The following NBAS variants were observed in gnomAD, a reference collection of about 807,000 sequenced individuals.
NBAS encodes the protein NBAS subunit of NRZ tethering complex, also known as NAG/BC035112 fusion.
In NBAS, 219 loss-of-function variants were observed where a neutral mutation model predicts 302.5. The observed-to-expected ratio is 0.72, with a 90% CI of 0.65 to 0.81. The LOEUF (loss-of-function observed/expected upper bound fraction) is 0.81. NBAS is among the 30% of genes least tolerant of loss of function. The pLI, the probability that NBAS is intolerant of heterozygous loss-of-function variation, is 0.00. For synonymous variants in NBAS, 1,118 were observed against 1,021.6 expected (o/e 1.09, Z -1.80); for missense variants, 2,932 against 2,841.6 (o/e 1.03, Z -0.72).
Position 15,467,394 on chromosome 2 carries a change from G to A in NBAS, c.2032C>T (p.Gln678Ter), listed in dbSNP as rs1310897090. 6.2e-7 allele frequency: 1 copy of A among 1,613,032 alleles called. No homozygotes were observed. Among genetic ancestry groups the A allele is most frequent in the Non-Finnish European group, 8.5e-7 (1 of 1,179,228 alleles). Residue 678 changes from glutamine to a stop codon, truncating the protein, a stop_gained, in exon 19 of 52, where the codon CAA (glutamine) becomes TAA (stop). Coordinates refer to ENST00000281513, the MANE Select transcript of NBAS (RefSeq NM_015909.4). LOFTEE classifies it high-confidence loss of function. ...LVNFSKLTLE[Q>*]KELCRCRRKL... ...CGTCTACAACGGCAAAGTTCCTTTT[G>A]TTCCAGTGTCAACCTGTTTTGAATA... is the stretch of plus-strand genomic sequence containing the variant.
chr2:15,044,044 G>A, the NBAS span, among the ~76,000 whole-genome samples: 3 of 152,146 alleles, frequency 2.0e-5, no homozygotes, highest in South Asian at 2.1e-4. Flanking sequence ...ATGAATCAAT[G>A]AATGAAGTTC....
At chr2:15,141,518 C>T in the NBAS span, among the ~76,000 whole-genome samples, 1 of 152,122 alleles carries the variant, frequency 6.6e-6, no homozygotes, top group Non-Finnish European at 1.5e-5. Flanking sequence ...ATTCTAGAGG[C>T]CTGAGACGAT....
chr2:15,268,865 A>G (rs1424130641), intron 44 of NBAS, among the ~76,000 whole-genome samples: 2 of 152,226 alleles, frequency 1.3e-5, no homozygotes, highest in Non-Finnish European at 2.9e-5. Context: ...AATGACAATT[A>G]TTTATTACTT....
the NBAS span, among the ~76,000 whole-genome samples, chr2:15,097,902 A>G: frequency 1.6e-5 from 2 of 123,084 alleles, no homozygotes; most frequent in Non-Finnish European, 3.2e-5. Context: ...TTATTATTAT[A>G]TTATATACAA....
chr2:15,058,631 T>C, the NBAS span, among the ~76,000 whole-genome samples: 1 of 152,152 alleles, frequency 6.6e-6, no homozygotes, highest in Non-Finnish European at 1.5e-5. Flanking sequence ...GTTATTGTAC[T>C]CAGTGGGGGA....
chr2:14,838,150 CATT>C, the NBAS span, among the ~76,000 whole-genome samples: 9 of 151,946 alleles, frequency 5.9e-5, no homozygotes, highest in East Asian at 1.7e-3. Flanking sequence ...AACTCTCATA[CATT>C]ATTACTATGA....
At chr2:15,227,727 A>G (rs1015482866) in intron 47 of NBAS, among the ~76,000 whole-genome samples, 1 of 152,198 alleles carries the variant, frequency 6.6e-6, no homozygotes, top group African/African-American at 2.4e-5. Flanking sequence ...AAGAACACAC[A>G]CTGGGAAAAG....
the NBAS span, among the ~76,000 whole-genome samples, chr2:15,086,869 A>T: frequency 2.0e-5 from 3 of 152,170 alleles, no homozygotes; most frequent in East Asian, 5.8e-4. Flanking sequence ...TTGAGATGAG[A>T]TTAACATAAA....
chr2:15,451,997 TAA>T (rs754723466), intron 21 of NBAS, among the ~76,000 whole-genome samples: 24 of 136,656 alleles, frequency 1.8e-4, no homozygotes, highest in East Asian at 2.1e-4. Context: ...AACATTACGC[TAA>T]AAAAAAAAAA....
chr2:15,210,488 T>C (rs947659943), intron 48 of NBAS, among the ~76,000 whole-genome samples: 2 of 152,056 alleles, frequency 1.3e-5, no homozygotes, highest in Non-Finnish European at 2.9e-5. Flanking sequence ...CGGACAAGAA[T>C]ATGGAGAAAA....
chr2:15,202,986 C>T (rs1665950740), intron 48 of NBAS, among the ~76,000 whole-genome samples: 1 of 152,148 alleles, frequency 6.6e-6, no homozygotes, highest in African/African-American at 2.4e-5. Context: ...AATATTGGCC[C>T]TGTCACTTAA....
intron 21 of NBAS, among the ~76,000 whole-genome samples, chr2:15,429,612 T>C (rs545044708): frequency 6.6e-6 from 1 of 152,162 alleles, no homozygotes; most frequent in South Asian, 2.1e-4. Context: ...AGCATCACCC[T>C]TGCAGTTATT....
At chr2:15,220,324 C>T (rs1008923655) in intron 47 of NBAS, among the ~76,000 whole-genome samples, 29 of 152,194 alleles carry the variant, frequency 1.9e-4, no homozygotes, top group Non-Finnish European at 3.7e-4. Context: ...AATAATTAAG[C>T]AAAGTAGGCA....
chr2:15,367,456 T>C (rs1217760542), intron 31 of NBAS, among the ~76,000 whole-genome samples: 2 of 152,122 alleles, frequency 1.3e-5, no homozygotes, highest in African/African-American at 4.8e-5. Flanking sequence ...ACGAGCTATG[T>C]CTCAGGCACT....
chr2:14,894,736 T>C, the NBAS span, among the ~76,000 whole-genome samples: 1 of 152,054 alleles, frequency 6.6e-6, no homozygotes, highest in Non-Finnish European at 1.5e-5. Context: ...AGAACATCAA[T>C]GCACAAAATA....
intron 44 of NBAS, among the ~76,000 whole-genome samples, chr2:15,271,103 ATTAAT>A (rs1473084724): frequency 6.6e-6 from 1 of 152,186 alleles, no homozygotes; most frequent in Non-Finnish European, 1.5e-5. Context: ...GCTTTTTAAG[ATTAAT>A]TTATTCTACC....
chr2:15,384,032 C>T (rs1202183482), intron 28 of NBAS, among the ~76,000 whole-genome samples: 1 of 152,204 alleles, frequency 6.6e-6, no homozygotes. Context: ...TTGCAACACA[C>T]TCAGGAAAGC....
chr2:15,268,131 T>C (rs898880819), intron 44 of NBAS, among the ~76,000 whole-genome samples: 2 of 152,246 alleles, frequency 1.3e-5, no homozygotes, highest in African/African-American at 4.8e-5. Context: ...TTCAAGTTCC[T>C]ACCTTGGCCC....
intron 44 of NBAS, among the ~76,000 whole-genome samples, chr2:15,242,722 G>T (rs1667921008): frequency 6.6e-6 from 1 of 151,410 alleles, no homozygotes; most frequent in Non-Finnish European, 1.5e-5. Context: ...TAAGCCCACA[G>T]CATTAACATG....
Sources: gnomAD v4.1 joint callset for allele counts (sites outside exome capture counted in the v4.1 genomes callset) on GRCh38, gnomAD v4.1.1 for gene constraint, MANE v1.5 for transcripts, NCBI Gene and HGNC (gene_info 2026-07-23, HGNC 2026-07-21) for gene names.